Variants in HAVCR2 observed in about 807,000 individuals in gnomAD.
HAVCR2 encodes the protein T cell immunoglobulin mucin 3.
A neutral mutation model predicts 24.7 loss-of-function variants in HAVCR2; 13 were observed. The observed-to-expected ratio is 0.53, with a 90% CI of 0.34 to 0.84. The LOEUF (loss-of-function observed/expected upper bound fraction) is 0.84. Among genes scored for constraint, HAVCR2 ranks in the 40% least tolerant of loss-of-function variants. The pLI, the probability that HAVCR2 is intolerant of heterozygous loss-of-function variation, is 0.01. For synonymous variants in HAVCR2, 154 were observed against 143.4 expected, an observed-to-expected ratio of 1.07 and a Z score of -0.53; for missense variants, 343 against 371.2, an observed-to-expected ratio of 0.92 and a Z score of 0.62.
intron 6 of HAVCR2, among the ~76,000 whole-genome samples, chr5:157,088,351 G>A (rs1195281397): frequency 6.6e-6 from 1 of 152,210 alleles, no homozygotes; most frequent in Non-Finnish European, 1.5e-5. Context: ...CGAAGGTCAA[G>A]ACAGGAGTCT....
Position 157,087,089 on chromosome 5 carries a change from A to C in HAVCR2, c.*13T>G. 6.2e-7 allele frequency: 1 copy of C among 1,606,940 alleles called. No individual in the cohort carries two copies. The highest frequency in any genetic ancestry group is 1.1e-5 in the South Asian group (1 of 89,362). ...AAGACAAAACACCAAGCTCAAAAAT[A>C]AGGTGGTTGGATCTATGGCATTGCA... On this transcript the variant is annotated 3_prime_UTR_variant, in exon 7 of 7. Transcript: ENST00000307851.
At chr5:157,098,977 G>T in intron 3 of HAVCR2, 76 bp from the exon 4 acceptor site, 1 of 1,376,538 alleles carries the variant, frequency 7.3e-7, no homozygotes, top group Non-Finnish European at 1.0e-6. Context: ...TTTTATCTAA[G>T]TTTTTAAAAA....
chr5:157,092,138 T>TTATATA (rs56964780), intron 5 of HAVCR2, among the ~76,000 whole-genome samples: 2 of 146,314 alleles, frequency 1.4e-5, no homozygotes, highest in African/African-American at 2.5e-5. Flanking sequence ...TATGGTCATA[T>TTATATA]TATATATATA....
chr5:157,105,908 C>T (rs1277335863), intron 2 of HAVCR2, among the ~76,000 whole-genome samples: 1 of 152,142 alleles, frequency 6.6e-6, no homozygotes, highest in Non-Finnish European at 1.5e-5. Flanking sequence ...GGGGTAGCCA[C>T]AGTATATCAG....
chr5:157,092,913 A>AAAAAAAAAAAAAAATAAAAAAAT (rs1561619880), intron 5 of HAVCR2, among the ~76,000 whole-genome samples: 1 of 122,972 alleles, frequency 8.1e-6, no homozygotes, highest in African/African-American at 3.1e-5. Context: ...AAAAAAAAAA[A>AAAAAAAAAAAAAAATAAAAAAAT]AAAAACTAGC....
At chr5:157,096,229 C>CAA (rs386405404) in intron 4 of HAVCR2, among the ~76,000 whole-genome samples, 1,578 of 87,864 alleles carry the variant, frequency 0.018, 47 homozygotes, top group African/African-American at 0.038. Flanking sequence ...GACTCCATCT[C>CAA]AAAAAAAAAA....
rs148420709 is a variant in HAVCR2 at position 157,099,414 on chromosome 5, G to A, written c.479-513C>T. ...TGGGACTACATGCATGCACCACCAC[G>A]CCCAGCTAATTTTTGTATTTTTAGT... On this transcript the variant is annotated intron_variant, in intron 3 of 6. Transcript: ENST00000307851. Among the ~76,000 whole-genome samples, 642 of 150,858 alleles carry A rather than the reference G, an allele frequency of 4.3e-3. 7 individuals carry two copies. Among genetic ancestry groups the A allele is most frequent in the African/African-American group, 0.014 (576 of 41,074 alleles).
chr5:157,098,406 T>TAAA (rs70984442), intron 4 of HAVCR2, among the ~76,000 whole-genome samples: 12 of 138,296 alleles, frequency 8.7e-5, no homozygotes, highest in Admixed American at 2.2e-4. Flanking sequence ...AAATTCTGTC[T>TAAA]AAAAAAAAAA....
intron 6 of HAVCR2, among the ~76,000 whole-genome samples, chr5:157,088,601 C>T (rs111641521): frequency 6.6e-5 from 10 of 152,268 alleles, no homozygotes; most frequent in Non-Finnish European, 1.2e-4. Context: ...ACTTCTGTAA[C>T]GCCTAAGTGC....
intron 5 of HAVCR2, among the ~76,000 whole-genome samples, chr5:157,089,608 T>G (rs1756965863): frequency 6.6e-6 from 1 of 151,950 alleles, no homozygotes; most frequent in South Asian, 2.1e-4. Context: ...TATGATGTAT[T>G]ATAAAGGAAA....
chr5:157,094,227 C>CAGGAT (rs1278163649), intron 5 of HAVCR2, among the ~76,000 whole-genome samples: 1 of 151,580 alleles, frequency 6.6e-6, no homozygotes, highest in Non-Finnish European at 1.5e-5. Flanking sequence ...GTTGTAGAGG[C>CAGGAT]AGGATCCTGC....
chr5:157,086,040 G>T lies in HAVCR2; in HGVS notation c.*1062C>A, dbSNP rs151039798. On this transcript the variant is annotated 3_prime_UTR_variant, in exon 7 of 7. Coordinates refer to ENST00000307851, the MANE Select transcript of HAVCR2 (RefSeq NM_032782.5). ...ACCAGGCAACAGAATTTGTGTCCCC[G>T]TCACTGCTTCTTCTTCTGTGAAAAA... 6.6e-6 allele frequency: 1 copy of T among 152,296 alleles called. No individual in the cohort carries two copies. The highest frequency in any genetic ancestry group is 1.5e-5 in the Non-Finnish European group (1 of 68,032). 9.4% of individuals were successfully genotyped at this position (152,296 alleles called of 1,614,324 possible).
chr5:157,097,845 C>A (rs1402322963), intron 4 of HAVCR2, among the ~76,000 whole-genome samples: 2 of 152,000 alleles, frequency 1.3e-5, no homozygotes, highest in African/African-American at 4.8e-5. Context: ...GGTGATCCAC[C>A]CTACTTAGCC....
chr5:157,090,430 A>C (rs999447100), intron 5 of HAVCR2, among the ~76,000 whole-genome samples: 1 of 152,044 alleles, frequency 6.6e-6, no homozygotes, highest in Non-Finnish European at 1.5e-5. Flanking sequence ...CCTCATCTCT[A>C]CTAAAAATAC....
At position 157,106,994 on chromosome 5, in the gene HAVCR2, A is replaced by G. The variant is rs763407406; in HGVS notation, c.59-32T>C. ...AGAGAGAGAAGGAGAGCCAAGACTC[A>G]AGCGGTGAGTGAGGTTACTCCATTT... On this transcript the variant is annotated intron_variant, in intron 1 of 6. Coordinates refer to ENST00000307851, the MANE Select transcript of HAVCR2 (RefSeq NM_032782.5). 10 of 1,556,854 alleles carry G rather than the reference A, an allele frequency of 6.4e-6. No individual in the cohort carries two copies. The East Asian group carries it at 2.0e-4, about 32-fold the overall frequency.
chr5:157,107,083 A>G (rs1266582500), intron 1 of HAVCR2, 121 bp from the exon 2 acceptor site: 2 of 775,108 alleles, frequency 2.6e-6, no homozygotes, highest in Non-Finnish European at 4.1e-6. Context: ...TCCTGTTTGG[A>G]GGATGATTCG....
intron 5 of HAVCR2, among the ~76,000 whole-genome samples, chr5:157,090,187 T>C (rs190013037): frequency 1.1e-4 from 15 of 136,384 alleles, no homozygotes. Flanking sequence ...TGGAATGCAG[T>C]AGTAAGATCA....
intron 1 of HAVCR2, among the ~76,000 whole-genome samples, chr5:157,108,236 A>G (rs1757281029): frequency 6.6e-6 from 1 of 152,058 alleles, no homozygotes; most frequent in Non-Finnish European, 1.5e-5. Flanking sequence ...TAATCCCAGC[A>G]CTTTGGGAGG....
intron 3 of HAVCR2, among the ~76,000 whole-genome samples, chr5:157,101,339 C>G (rs992293233): frequency 3.3e-5 from 5 of 152,090 alleles, no homozygotes; most frequent in African/African-American, 1.2e-4. Context: ...ATGGATGGGA[C>G]AGTTGAAGGG....
Sources: allele counts gnomAD v4.1 joint callset (sites outside exome capture counted in the v4.1 genomes callset), GRCh38; gene constraint gnomAD v4.1.1; transcripts MANE v1.5; gene names NCBI Gene and HGNC (gene_info 2026-07-23, HGNC 2026-07-21).